Variants in FAM50B observed in about 807,000 individuals in gnomAD.
FAM50B encodes family with sequence similarity 50 member B, also known as protein FAM50B.
In FAM50B, 9 loss-of-function variants were observed where a neutral mutation model predicts 25.4. The ratio of observed to expected loss-of-function variants is 0.35; its 90% CI spans 0.21 to 0.62. The LOEUF (loss-of-function observed/expected upper bound fraction) is 0.62. Among genes scored for constraint, FAM50B ranks in the 20% least tolerant of loss-of-function variants. FAM50B has a pLI of 0.73. For missense variants in FAM50B, 372 were observed against 477.9 expected (o/e 0.78, Z 2.07); for synonymous variants, 212 against 204.3 (o/e 1.04, Z -0.32).
At chr6:3,847,027 G>T (rs573772466), upstream of FAM50B, among the ~76,000 whole-genome samples, 66 of 152,326 alleles carry the variant, frequency 4.3e-4, no homozygotes, top group Non-Finnish European at 7.6e-4. Context: ...AAACCATGCT[G>T]TAAACAGATG....
chr6:3,836,377 A>C, the FAM50B span, among the ~76,000 whole-genome samples: 2 of 152,226 alleles, frequency 1.3e-5, no homozygotes, highest in African/African-American at 4.8e-5. Flanking sequence ...AGCTGTGTAT[A>C]GTGGTTGCAT....
In FAM50B at chr6:3,850,955, G is replaced by A; in HGVS notation, c.*166G>A. 1 of 1,178,958 alleles carries A rather than the reference G, an allele frequency of 8.5e-7. No individual in the cohort carries two copies. Among genetic ancestry groups the A allele is most frequent in the Non-Finnish European group, 1.2e-6 (1 of 852,722 alleles). 73.0% of individuals were successfully genotyped at this position (1,178,958 alleles called of 1,614,324 possible). ...GTGCTATTGCTGATGTTATGCTTTG[G>A]TTGCTTGGTTGGTCTTTTCTGAGTA... On this transcript the variant is annotated 3_prime_UTR_variant, in exon 2 of 2. Transcript: ENST00000648326.
chr6:3,841,115 C>T, the FAM50B span, among the ~76,000 whole-genome samples: 6 of 152,144 alleles, frequency 3.9e-5, no homozygotes, highest in South Asian at 2.1e-4. Context: ...GACGGTGGGC[C>T]GTAGGTCCGA....
Position 3,849,778 on chromosome 6 carries a change from C to T in FAM50B, c.-23-11C>T. On this transcript the variant is annotated splice_polypyrimidine_tract_variant and intron_variant, in intron 1 of 1. Transcript: ENST00000648326. Reference sequence around the variant, plus strand: ...CCCCTCTACCTGCCGCGTTTTTCCTCTTTGCTGCAGAGCCCATCGGGTAGG... The same window carrying T: ...CCCCTCTACCTGCCGCGTTTTTCCTTTTTGCTGCAGAGCCCATCGGGTAGG... 2 of 1,564,188 alleles carry T rather than the reference C, an allele frequency of 1.3e-6. No homozygotes were observed. The highest frequency in any genetic ancestry group is 8.7e-7 in the Non-Finnish European group (1 of 1,154,202).
chr6:3,834,359 C>CAAAAAAAAAAAAAAAAAAAGAAAAA, the FAM50B span, among the ~76,000 whole-genome samples: 1 of 75,048 alleles, frequency 1.3e-5, no homozygotes. Flanking sequence ...TGATATATGG[C>CAAAAAAAAAAAAAAAAAAAGAAAAA]AAAAAAAAAA....
At chr6:3,833,794 G>T in the FAM50B span, 1 of 152,114 alleles carries the variant, frequency 6.6e-6, no homozygotes, top group Non-Finnish European at 1.5e-5. Flanking sequence ...AAGAGGGATG[G>T]CGAGATGACT....
At chr6:3,840,176 G>A in the FAM50B span, among the ~76,000 whole-genome samples, 2 of 152,018 alleles carry the variant, frequency 1.3e-5, no homozygotes. Context: ...GTATTTTTTA[G>A]TAGAGACGGG....
chr6:3,850,396 G>C lies in FAM50B; in HGVS notation c.585G>C (p.Ser195=), dbSNP rs148492374. 1,999 of 1,613,336 alleles carry C rather than the reference G, an allele frequency of 1.2e-3. 26 individuals carry two copies. The African/African-American group carries it at 0.024, about 19-fold the overall frequency. Residue 195 remains serine, a synonymous_variant, in exon 2 of 2, where the codon TCG becomes TCC. Transcript: ENST00000648326. The part of the protein sequence containing the change: ...MEVTFSYWDG[S]GHRRTVRVRK... ...TCACCTTCAGCTACTGGGACGGCTC[G>C]GGCCACCGGCGCACGGTGCGGGTGC...
chr6:3,849,121 T>G (rs1487880236), upstream of FAM50B, among the ~76,000 whole-genome samples: 2 of 152,236 alleles, frequency 1.3e-5, no homozygotes, highest in East Asian at 3.9e-4. Flanking sequence ...GGGCCCGCCC[T>G]GCCCACAGCG....
the FAM50B span, among the ~76,000 whole-genome samples, chr6:3,834,993 A>G: frequency 6.6e-6 from 1 of 152,210 alleles, no homozygotes; most frequent in African/African-American, 2.4e-5. Flanking sequence ...AAATTCAAGC[A>G]GTACAAAAAT....
the FAM50B span, among the ~76,000 whole-genome samples, chr6:3,841,128 T>C: frequency 6.6e-6 from 1 of 152,208 alleles, no homozygotes; most frequent in African/African-American, 2.4e-5. Flanking sequence ...AGGTCCGACC[T>C]GTTAGGAGCC....
upstream of FAM50B, among the ~76,000 whole-genome samples, chr6:3,844,619 G>C (rs1762101060): frequency 6.6e-6 from 1 of 152,132 alleles, no homozygotes; most frequent in African/African-American, 2.4e-5. Context: ...GCTGAGGCAG[G>C]AGAATCACTT....
At chr6:3,848,401 G>A (rs1343440747), upstream of FAM50B, among the ~76,000 whole-genome samples, 2 of 152,192 alleles carry the variant, frequency 1.3e-5, no homozygotes, top group Non-Finnish European at 2.9e-5. Flanking sequence ...GTGGAGGAAC[G>A]TCATTCCAGG....
chr6:3,849,986 G>A lies in FAM50B; in HGVS notation c.175G>A (p.Glu59Lys), dbSNP rs1762181595. ...GGCGCATTACGACGCCGTGGAGGCCGAGCTGAAGTCCAGCACGGTGGGCCT... is the reference window on the plus strand; with the variant it reads ...GGCGCATTACGACGCCGTGGAGGCCAAGCTGAAGTCCAGCACGGTGGGCCT... ...FSAHYDAVEA[E>K]LKSSTVGLVT... The change falls in exon 2 of 2, where the codon GAG becomes AAG. Residue 59 changes from glutamate (E) to lysine (K), a missense_variant. By Grantham distance (56) the Glu-to-Lys change is moderately conservative (BLOSUM62 1). Around this residue, in one of 4 missense-constraint regions of FAM50B, gnomAD observed 64 missense variants for 118.3 expected, o/e 0.54. Transcript: ENST00000648326. The A allele has an allele frequency of 2.5e-6, 4 of 1,613,920 alleles. No homozygotes were observed. Among genetic ancestry groups the A allele is most frequent in the Non-Finnish European group, 3.4e-6 (4 of 1,179,950 alleles).
chr6:3,838,954 A>G, the FAM50B span, among the ~76,000 whole-genome samples: 16 of 152,104 alleles, frequency 1.1e-4, no homozygotes, highest in East Asian at 1.9e-3. Flanking sequence ...GAGTGAAATA[A>G]CTCTGACTTA....
chr6:3,850,421 C>CA lies in FAM50B; in HGVS notation c.610_611insA (p.Arg204GlnfsTer70). ...GGGCCACCGGCGCACGGTGCGGGTG[C>CA]GCAAGGGCAACACGGTGCAGCAGTT... On this transcript the variant is annotated frameshift_variant, in exon 2 of 2. Transcript: ENST00000648326. LOFTEE classifies it high-confidence loss of function. The CA allele has an allele frequency of 6.2e-7, 1 of 1,613,360 alleles. No individual in the cohort carries two copies.
chr6:3,850,374 C>T lies in FAM50B; in HGVS notation c.563C>T (p.Thr188Ile). 6.2e-7 allele frequency: 1 copy of T among 1,613,470 alleles called. No individual in the cohort carries two copies. The highest frequency in any genetic ancestry group is 8.5e-7 in the Non-Finnish European group (1 of 1,179,918). The part of the protein sequence containing the change: ...EKVKDEEMEV[T>I]FSYWDGSGHR... ...GTGAAGGACGAGGAGATGGAGGTCA[C>T]CTTCAGCTACTGGGACGGCTCGGGC... The change falls in exon 2 of 2, where the codon ACC becomes ATC. Residue 188 changes from threonine (T) to isoleucine (I), a missense_variant. Transcript: ENST00000648326.
chr6:3,850,033 G>A lies in FAM50B; in HGVS notation c.222G>A (p.Lys74=), dbSNP rs1762186133. The part of the protein sequence containing the change: ...TVGLVTLNDM[K]ARQEALVRER... ...GCCTGGTGACCCTGAACGACATGAA[G>A]GCCCGGCAGGAGGCCCTGGTCAGGG... The change falls in exon 2 of 2, where the codon AAG becomes AAA. Residue 74 remains lysine, a synonymous_variant. Coordinates refer to ENST00000648326, the MANE Select transcript of FAM50B (RefSeq NM_012135.3). The A allele has an allele frequency of 6.2e-7, 1 of 1,613,196 alleles. No individual in the cohort carries two copies. Among genetic ancestry groups the A allele is most frequent in the Non-Finnish European group, 8.5e-7 (1 of 1,179,702 alleles).
the FAM50B span, among the ~76,000 whole-genome samples, chr6:3,838,852 A>C: frequency 6.6e-6 from 1 of 150,852 alleles, no homozygotes; most frequent in Non-Finnish European, 1.5e-5. Flanking sequence ...AAAAAAAAAA[A>C]AAAAAAAACA....
Sources: gnomAD v4.1 joint callset for allele counts (sites outside exome capture counted in the v4.1 genomes callset) on GRCh38, gnomAD v4.1.1 for gene constraint, gnomAD v4.1.1 regional missense constraint, MANE v1.5 for transcripts, NCBI Gene and HGNC (gene_info 2026-07-23, HGNC 2026-07-21) for gene names.